XRCC2: variants seen among roughly 807,000 people sequenced by gnomAD.
XRCC2 encodes the protein X-ray repair cross complementing 2, also known as DNA repair protein XRCC2.
Under a neutral mutation model 27.3 loss-of-function variants are expected in XRCC2, and 24 were observed. That is an observed-to-expected ratio of 0.88 (90% CI 0.64 to 1.24). The LOEUF is 1.24. XRCC2 is among the 50% of genes most tolerant of loss of function. The probability of loss-of-function intolerance (pLI) is 0.00; values close to 1 mark genes in which losing one functional copy is unlikely to be tolerated. For missense variants in XRCC2, 321 were observed against 325.8 expected (o/e 0.99, Z 0.11); for synonymous variants, 106 against 115.4 (o/e 0.92, Z 0.52).
chr7:152,654,153 C>T (rs1300057276), intron 2 of XRCC2, among the ~76,000 whole-genome samples: 7 of 141,342 alleles, frequency 5.0e-5, no homozygotes, highest in East Asian at 4.3e-4. Flanking sequence ...GCCCAGATTG[C>T]GCCATTGCAC....
chr7:152,653,624 T>A (rs1469180914), intron 2 of XRCC2, among the ~76,000 whole-genome samples: 2 of 20,510 alleles, frequency 9.8e-5, no homozygotes, highest in African/African-American at 1.6e-4. Context: ...CACACCTGGG[T>A]AATTTTTGTA....
intron 2 of XRCC2, among the ~76,000 whole-genome samples, chr7:152,655,083 C>T (rs779949234): frequency 9.2e-5 from 14 of 152,216 alleles, no homozygotes; most frequent in Admixed American, 2.6e-4. Context: ...AATTATGGAA[C>T]GTGACAACTC....
chr7:152,673,276 G>A (rs1250487120), intron 1 of XRCC2, among the ~76,000 whole-genome samples: 1 of 151,872 alleles, frequency 6.6e-6, no homozygotes, highest in Non-Finnish European at 1.5e-5. Context: ...CCCGCCTCCC[G>A]GGTTCAAGCA....
chr7:152,662,230 T>G (rs973906088), intron 1 of XRCC2, among the ~76,000 whole-genome samples: 4 of 152,112 alleles, frequency 2.6e-5, no homozygotes, highest in Non-Finnish European at 5.9e-5. Flanking sequence ...CCTCCCAATC[T>G]GCTGGGATTA....
At chr7:152,654,639 C>T (rs2098029981) in intron 2 of XRCC2, among the ~76,000 whole-genome samples, 1 of 152,332 alleles carries the variant, frequency 6.6e-6, no homozygotes, top group South Asian at 2.1e-4. Flanking sequence ...ACTCAGAAGA[C>T]AGGAGACAAC....
At position 152,645,234 on chromosome 7, in the gene XRCC2, A is replaced by G. The variant is rs2098025264; in HGVS notation, c.*3408T>C. On this transcript the variant is annotated 3_prime_UTR_variant, in exon 3 of 3. Transcript: ENST00000359321. ...TAGAAACTTTATATTTTTAGTTATG[A>G]TTAAATATTATATATATTTAAAATT... The G allele has an allele frequency of 6.6e-6, 1 of 151,592 alleles. No homozygotes were observed. The highest frequency in any genetic ancestry group is 2.4e-5 in the African/African-American group (1 of 41,380). The allele number at this position is 151,592 out of a possible 1,614,324, so 9.4% of individuals were successfully genotyped here. A position where few individuals can be genotyped will look rare whatever the true frequency, so the allele number is the denominator to read the frequency against.
rs1303811944 is a variant in XRCC2 at position 152,676,116 on chromosome 7, C to A, written c.-37G>T. 4 of 1,613,398 alleles carry A rather than the reference C, an allele frequency of 2.5e-6. No homozygotes were observed. Among genetic ancestry groups the A allele is most frequent in the South Asian group, 1.1e-5 (1 of 91,088 alleles). On this transcript the variant is annotated 5_prime_UTR_variant, in exon 1 of 3. Coordinates refer to ENST00000359321, the MANE Select transcript of XRCC2 (RefSeq NM_005431.2). The stretch of plus-strand genomic sequence containing the variant: ...CTCGGCGCAGGAGAGACTCAACTTT[C>A]CCGCCACCAACGCCATTCACCAACT...
chr7:152,675,986 C>T (rs1250276940), intron 1 of XRCC2, 55 bp downstream of exon 1: 11 of 1,610,388 alleles, frequency 6.8e-6, no homozygotes, highest in African/African-American at 1.3e-5. Context: ...CGGCTCCCCT[C>T]GCCCACCGGC....
In XRCC2 at chr7:152,666,648, C is replaced by T. The variant is rs3218435; in HGVS notation, c.40-5866G>A. ...TTTTTTTTTTTTTGAGACAGAGTCT[C>T]GCTTTGTCACCAAGGCTGGAGTGCA... On this transcript the variant is annotated intron_variant, in intron 1 of 2. Transcript: ENST00000359321. Among the ~76,000 whole-genome samples the T allele has an allele frequency of 7.9e-3, 1,169 of 147,314 alleles. 18 individuals are homozygous for T. The highest frequency in any genetic ancestry group is 0.027 in the African/African-American group (1,084 of 40,036).
At chr7:152,671,173 C>A (rs1218539203) in intron 1 of XRCC2, among the ~76,000 whole-genome samples, 1 of 152,080 alleles carries the variant, frequency 6.6e-6, no homozygotes, top group African/African-American at 2.4e-5. Context: ...TGAGATCATG[C>A]CCCTGCACTC....
intron 1 of XRCC2, among the ~76,000 whole-genome samples, chr7:152,670,378 A>G (rs2098037668): frequency 6.6e-6 from 1 of 152,194 alleles, no homozygotes; most frequent in African/African-American, 2.4e-5. Context: ...CTGCCTAGTA[A>G]ACTACAGGCA....
At chr7:152,655,266 A>G (rs553587938) in intron 2 of XRCC2, among the ~76,000 whole-genome samples, 7 of 152,358 alleles carry the variant, frequency 4.6e-5, no homozygotes, top group African/African-American at 1.4e-4. Flanking sequence ...AGGAAAAGAA[A>G]GGAAAAGCCA....
Position 152,664,364 on chromosome 7 carries a change from G to C in XRCC2, c.40-3582C>G, listed in dbSNP as rs138092476. Among the ~76,000 whole-genome samples the C allele has an allele frequency of 4.2e-4, 64 of 152,090 alleles. No homozygotes were observed. The East Asian group carries it at 7.0e-3, about 17-fold the overall frequency. The stretch of plus-strand genomic sequence containing the variant: ...AATAGCTGGTAAAGCATTATTTCTG[G>C]GTGTGTCATGAGGGTGTTTCTGGAG... On this transcript the variant is annotated intron_variant, in intron 1 of 2. Coordinates refer to ENST00000359321, the MANE Select transcript of XRCC2 (RefSeq NM_005431.2).
chr7:152,654,877 TAA>T, intron 2 of XRCC2, among the ~76,000 whole-genome samples: 1 of 152,380 alleles, frequency 6.6e-6, no homozygotes, highest in South Asian at 2.1e-4. Context: ...GTCCTTGAAC[TAA>T]ATTCCTCACA....
intron 2 of XRCC2, among the ~76,000 whole-genome samples, chr7:152,650,250 C>A (rs2098027956): frequency 2.0e-5 from 3 of 152,196 alleles, no homozygotes; most frequent in Admixed American, 2.0e-4. Context: ...CTGAAAACAA[C>A]CTTACACGTT....
At chr7:152,663,220 T>C (rs1352900574) in intron 1 of XRCC2, among the ~76,000 whole-genome samples, 2 of 151,814 alleles carry the variant, frequency 1.3e-5, no homozygotes, top group East Asian at 1.9e-4. Flanking sequence ...CTAAAAGCAA[T>C]AGTGGGTACC....
rs766826828 is a variant in XRCC2 at position 152,660,767 on chromosome 7, C to T, written c.55G>A (p.Glu19Lys). The change falls in exon 2 of 3, where the codon GAA becomes AAA. Residue 19 changes from glutamate (E) to lysine (K), a missense_variant. Glu to Lys is a moderately conservative substitution (Grantham distance 56). Transcript: ENST00000359321. ...ESGTELLARL[E>K]GRSSLKEIEP... ...ATTTCTTTCAAGGAACTTCTACCTT[C>T]AAGTCGGGCAAGGAGCTTATAAAAG... The T allele has an allele frequency of 8.1e-6, 13 of 1,612,714 alleles. No individual in the cohort carries two copies. Among genetic ancestry groups the T allele is most frequent in the African/African-American group, 1.3e-5 (1 of 74,898 alleles).
chr7:152,652,630 T>C (rs1400004841), intron 2 of XRCC2, among the ~76,000 whole-genome samples: 3 of 152,230 alleles, frequency 2.0e-5, no homozygotes, highest in Non-Finnish European at 4.4e-5. Flanking sequence ...TTTACTTGAT[T>C]ACATTTCCTG....
rs142527605 is a variant in XRCC2, at chr7:152,649,256, C to G, written c.229G>C (p.Glu77Gln). The G allele has an allele frequency of 1.9e-5, 30 of 1,613,710 alleles. No homozygotes were observed. In the African/African-American group the frequency reaches 3.3e-4, roughly 18 times the overall value. ...LPKSEGGLEV[E>Q]VLFIDTDYHF... Reference sequence around the variant, plus strand: ...TAATCTGTATCAATAAATAAGACTTCTACTTCCAGGCCACCTTCTGATTTG... The same window carrying G: ...TAATCTGTATCAATAAATAAGACTTGTACTTCCAGGCCACCTTCTGATTTG... The change falls in exon 3 of 3, where the codon GAA (glutamate) becomes CAA (glutamine). Residue 77 changes from glutamate to glutamine, a missense_variant. Glu to Gln is a conservative substitution (Grantham distance 29). Coordinates refer to ENST00000359321, the MANE Select transcript of XRCC2 (RefSeq NM_005431.2).
Sources: allele counts gnomAD v4.1 joint callset (sites outside exome capture counted in the v4.1 genomes callset), GRCh38; gene constraint gnomAD v4.1.1; transcripts MANE v1.5; gene names NCBI Gene and HGNC (gene_info 2026-07-23, HGNC 2026-07-21).